The following SMCO2 variants were observed in gnomAD, a reference collection of about 807,000 sequenced individuals.
SMCO2 encodes the protein single-pass membrane and coiled-coil domain-containing protein 2.
A neutral mutation model predicts 29.5 loss-of-function variants in SMCO2; 25 were observed. That is an observed-to-expected ratio of 0.85 (90% CI 0.62 to 1.18). The LOEUF is 1.18. Ranked by LOEUF, SMCO2 falls within the 50% of genes most tolerant of loss-of-function variation. The pLI, the probability that SMCO2 is intolerant of heterozygous loss-of-function variation, is 0.00. For synonymous variants in SMCO2, 117 were observed against 123.3 expected (o/e 0.95, Z 0.34); for missense variants, 348 against 344.5 (o/e 1.01, Z -0.08).
intron 2 of SMCO2, among the ~76,000 whole-genome samples, chr12:27,472,450 A>G (rs1333598214): frequency 6.6e-6 from 1 of 152,156 alleles, no homozygotes; most frequent in Non-Finnish European, 1.5e-5. Flanking sequence ...CACTTTTTAA[A>G]ACAGGATATT....
the SMCO2 span, among the ~76,000 whole-genome samples, chr12:27,429,492 T>C: frequency 1.4e-5 from 2 of 146,324 alleles, no homozygotes; most frequent in African/African-American, 5.0e-5. Flanking sequence ...AAAAAAAAAA[T>C]AGTCCCCACC....
chr12:27,445,839 G>A, the SMCO2 span, among the ~76,000 whole-genome samples: 7 of 152,064 alleles, frequency 4.6e-5, no homozygotes, highest in Non-Finnish European at 8.8e-5. Context: ...GTCTGTTTCT[G>A]GTGAGGGCTC....
At chr12:27,441,708 C>T in the SMCO2 span, among the ~76,000 whole-genome samples, 1 of 152,088 alleles carries the variant, frequency 6.6e-6, no homozygotes, top group East Asian at 1.9e-4. Context: ...GGTTAAATTA[C>T]ACACTATATC....
chr12:27,446,064 C>G, the SMCO2 span, among the ~76,000 whole-genome samples: 3,404 of 152,156 alleles, frequency 0.022, 135 homozygotes, highest in African/African-American at 0.078. Flanking sequence ...CCAACACGCC[C>G]AGCTACTTTT....
In SMCO2 at chr12:27,500,845, C is replaced by T. The variant is rs1054712264; in HGVS notation, c.684-1078C>T. On this transcript the variant is annotated intron_variant, in intron 7 of 7. Coordinates refer to ENST00000298876, the Ensembl canonical transcript of SMCO2. ...AGCCAGTGGGGATAATGGCGAGAAA[C>T]TTGGCTCTGGTTTATAAAACCACTG... 2.0e-5 allele frequency among the ~76,000 whole-genome samples: 3 copies of T among 150,440 alleles called. No individual in the cohort carries two copies. The East Asian group carries it at 5.8e-4, about 29-fold the overall frequency.
At chr12:27,502,167 C>T (rs2135586929) in exon 8 of SMCO2, 3 of 1,398,534 alleles carry the variant, frequency 2.1e-6, no homozygotes, top group South Asian at 1.6e-5. Flanking sequence ...CACCAGTAAA[C>T]ATTGTGGCTG....
At chr12:27,423,905 G>A in the SMCO2 span, 1 of 152,188 alleles carries the variant, frequency 6.6e-6, no homozygotes, top group African/African-American at 2.4e-5. Flanking sequence ...CTAGCCACAT[G>A]TGGCTACTGA....
chr12:27,472,691 T>C (rs563817389), intron 2 of SMCO2, 85 bp from the exon 3 acceptor site: 3 of 964,358 alleles, frequency 3.1e-6, no homozygotes, highest in Non-Finnish European at 4.7e-6. Flanking sequence ...ATCTCAGTGT[T>C]CTCCCTTTAG....
the SMCO2 span, among the ~76,000 whole-genome samples, chr12:27,448,369 G>T: frequency 1.1e-4 from 16 of 152,294 alleles, no homozygotes; most frequent in South Asian, 2.1e-4. Context: ...CTCCCAAGCG[G>T]CAAGTCTTTA....
At chr12:27,486,872 T>C (rs1592214111) in intron 4 of SMCO2, among the ~76,000 whole-genome samples, 1 of 152,352 alleles carries the variant, frequency 6.6e-6, no homozygotes, top group East Asian at 1.9e-4. Flanking sequence ...TCTCCTCCTT[T>C]TTTCTTTTGC....
At chr12:27,435,544 T>C in the SMCO2 span, among the ~76,000 whole-genome samples, 11 of 145,120 alleles carry the variant, frequency 7.6e-5, no homozygotes, top group Non-Finnish European at 1.2e-4. Context: ...TCTCTCTCTC[T>C]CCCCCCCATC....
At chr12:27,439,490 A>G in the SMCO2 span, among the ~76,000 whole-genome samples, 1 of 152,222 alleles carries the variant, frequency 6.6e-6, no homozygotes, top group Non-Finnish European at 1.5e-5. Flanking sequence ...CGCCAAAAAG[A>G]CAAAGCAAAA....
the SMCO2 span, among the ~76,000 whole-genome samples, chr12:27,449,234 A>G: frequency 6.6e-5 from 10 of 152,358 alleles, no homozygotes; most frequent in Non-Finnish European, 1.0e-4. Flanking sequence ...AAAGGTCATC[A>G]AGGTGTTTCT....
the SMCO2 span, among the ~76,000 whole-genome samples, chr12:27,441,744 A>G: frequency 1.3e-5 from 2 of 152,200 alleles, no homozygotes; most frequent in African/African-American, 2.4e-5. Flanking sequence ...GCATTTACAG[A>G]AGATTTTACC....
At chr12:27,492,051 T>A (rs1478136472) in intron 5 of SMCO2, among the ~76,000 whole-genome samples, 1 of 152,182 alleles carries the variant, frequency 6.6e-6, no homozygotes, top group South Asian at 2.1e-4. Flanking sequence ...AATGATTTCA[T>A]ATAAAAATGA....
At chr12:27,501,082 C>A (rs1943069183) in intron 7 of SMCO2, among the ~76,000 whole-genome samples, 1 of 150,394 alleles carries the variant, frequency 6.6e-6, no homozygotes. Context: ...TAAAATATGT[C>A]ATAGGTGCAA....
chr12:27,450,100 A>G, the SMCO2 span, among the ~76,000 whole-genome samples: 1 of 152,234 alleles, frequency 6.6e-6, no homozygotes, highest in Admixed American at 6.5e-5. Flanking sequence ...AGGAACACAG[A>G]GTTCTTCCCA....
At chr12:27,459,680 G>A in the SMCO2 span, among the ~76,000 whole-genome samples, 1 of 152,200 alleles carries the variant, frequency 6.6e-6, no homozygotes, top group South Asian at 2.1e-4. Context: ...GATTCTTTCA[G>A]CTGTCAGCTC....
chr12:27,447,437 G>A, the SMCO2 span, among the ~76,000 whole-genome samples: 13 of 152,176 alleles, frequency 8.5e-5, no homozygotes, highest in Admixed American at 4.6e-4. Flanking sequence ...TGGACCAGCT[G>A]CAACAGCCTC....
Sources: allele counts gnomAD v4.1 joint callset (sites outside exome capture counted in the v4.1 genomes callset), GRCh38; gene constraint gnomAD v4.1.1; transcripts MANE v1.5; gene names NCBI Gene and HGNC (gene_info 2026-07-23, HGNC 2026-07-21).